FRMD4A: variants seen among roughly 807,000 people sequenced by gnomAD.
FRMD4A encodes FERM domain-containing protein 4A.
In FRMD4A, 29 loss-of-function variants were observed where a neutral mutation model predicts 129.1. The observed-to-expected ratio is 0.22, with a 90% CI of 0.17 to 0.31. The LOEUF is 0.31. Ranked by LOEUF, FRMD4A falls within the 10% of genes least tolerant of loss-of-function variation. FRMD4A has a pLI of 1.00. For missense variants in FRMD4A, 1,272 were observed against 1,375.8 expected, an observed-to-expected ratio of 0.92 and a Z score of 1.19; for synonymous variants, 634 against 571.6, an observed-to-expected ratio of 1.11 and a Z score of -1.56.
chr10:14,274,590 T>C (rs965720150), intron 2 of FRMD4A, among the ~76,000 whole-genome samples: 1 of 152,182 alleles, frequency 6.6e-6, no homozygotes, highest in Non-Finnish European at 1.5e-5. Flanking sequence ...AGATTCTCAC[T>C]GAACCAGGGC....
chr10:13,681,398 C>T (rs2084571010), intron 15 of FRMD4A, among the ~76,000 whole-genome samples: 1 of 152,104 alleles, frequency 6.6e-6, no homozygotes, highest in Non-Finnish European at 1.5e-5. Context: ...GATGGAACCT[C>T]TTTATTCTAG....
At chr10:13,937,861 A>G (rs866841335) in intron 2 of FRMD4A, among the ~76,000 whole-genome samples, 2 of 152,270 alleles carry the variant, frequency 1.3e-5, no homozygotes, top group Non-Finnish European at 2.9e-5. Flanking sequence ...TAATCCTTCA[A>G]TTTCATTCTT....
At chr10:13,742,564 T>A (rs935887366) in intron 9 of FRMD4A, among the ~76,000 whole-genome samples, 4 of 152,246 alleles carry the variant, frequency 2.6e-5, no homozygotes, top group African/African-American at 9.6e-5. Flanking sequence ...TCGCCCAGAC[T>A]GGAGTGCAGT....
At chr10:14,196,345 CT>C (rs1250498202) in intron 2 of FRMD4A, among the ~76,000 whole-genome samples, 2 of 152,218 alleles carry the variant, frequency 1.3e-5, no homozygotes, top group Non-Finnish European at 2.9e-5. Context: ...CTCTGCCAGG[CT>C]GACCTTCACC....
intron 15 of FRMD4A, among the ~76,000 whole-genome samples, chr10:13,688,691 G>A (rs1203440102): frequency 6.6e-6 from 1 of 151,918 alleles, no homozygotes; most frequent in Non-Finnish European, 1.5e-5. Flanking sequence ...GCATTGGTAG[G>A]TATGGATATT....
intron 12 of FRMD4A, among the ~76,000 whole-genome samples, chr10:13,726,789 A>G (rs939475067): frequency 2.6e-5 from 4 of 151,808 alleles, no homozygotes; most frequent in African/African-American, 9.7e-5. Context: ...GTGTGTAGAG[A>G]TGAGGTCTTG....
At chr10:13,885,555 C>A (rs1186735331) in intron 2 of FRMD4A, among the ~76,000 whole-genome samples, 1 of 152,162 alleles carries the variant, frequency 6.6e-6, no homozygotes, top group Non-Finnish European at 1.5e-5. Context: ...ATCTAGATAC[C>A]CCCTTTCATT....
chr10:13,994,005 G>A (rs1443052532), intron 2 of FRMD4A, among the ~76,000 whole-genome samples: 2 of 146,536 alleles, frequency 1.4e-5, no homozygotes, highest in Non-Finnish European at 3.0e-5. Context: ...ATTTAGGGTG[G>A]GACAGTCCTT....
At chr10:14,135,721 C>T (rs1839498351) in intron 2 of FRMD4A, among the ~76,000 whole-genome samples, 1 of 152,162 alleles carries the variant, frequency 6.6e-6, no homozygotes, top group South Asian at 2.1e-4. Flanking sequence ...CCAGATGATA[C>T]TTTCTATGAA....
At chr10:13,720,769 T>C (rs1190037519) in intron 12 of FRMD4A, among the ~76,000 whole-genome samples, 1 of 152,102 alleles carries the variant, frequency 6.6e-6, no homozygotes, top group Non-Finnish European at 1.5e-5. Context: ...TGGGCAGCTA[T>C]GTGAGGGAAA....
At chr10:14,270,704 C>T (rs1845134144) in intron 2 of FRMD4A, among the ~76,000 whole-genome samples, 1 of 152,208 alleles carries the variant, frequency 6.6e-6, no homozygotes, top group African/African-American at 2.4e-5. Flanking sequence ...CTCTTGGAAA[C>T]TGCGACTTTA....
chr10:13,773,188 A>G (rs999067203), intron 6 of FRMD4A, among the ~76,000 whole-genome samples: 25 of 152,194 alleles, frequency 1.6e-4, no homozygotes, highest in African/African-American at 4.6e-4. Flanking sequence ...CTTCGTAACT[A>G]TGCATAACTT....
At chr10:13,924,406 G>C (rs1472844188) in intron 2 of FRMD4A, among the ~76,000 whole-genome samples, 5 of 98,902 alleles carry the variant, frequency 5.1e-5, no homozygotes, top group Admixed American at 2.4e-4. Flanking sequence ...TTTTCTTCTC[G>C]TTCCTTTTTT....
chr10:13,706,600 C>T (rs543047403), intron 13 of FRMD4A, among the ~76,000 whole-genome samples: 6 of 152,308 alleles, frequency 3.9e-5, no homozygotes, highest in African/African-American at 1.4e-4. Context: ...CATTGACCGT[C>T]CTGCCTGAAA....
chr10:13,984,843 C>T (rs1287442838), intron 2 of FRMD4A, among the ~76,000 whole-genome samples: 2 of 152,192 alleles, frequency 1.3e-5, no homozygotes, highest in African/African-American at 2.4e-5. Context: ...GTAAATATCT[C>T]CCCAAGTCCC....
chr10:13,863,893 A>G (rs2094327766), intron 2 of FRMD4A, among the ~76,000 whole-genome samples: 1 of 152,180 alleles, frequency 6.6e-6, no homozygotes, highest in African/African-American at 2.4e-5. Context: ...AAACAGTCAT[A>G]AGACAGCAAC....
At chr10:13,863,011 A>G (rs2094315530) in intron 2 of FRMD4A, among the ~76,000 whole-genome samples, 1 of 151,722 alleles carries the variant, frequency 6.6e-6, no homozygotes, top group East Asian at 1.9e-4. Context: ...ATCACCCTCA[A>G]AGGAAATCCT....
intron 6 of FRMD4A, among the ~76,000 whole-genome samples, chr10:13,778,557 T>G (rs1442638908): frequency 2.0e-5 from 3 of 151,740 alleles, no homozygotes; most frequent in Admixed American, 6.6e-5. Flanking sequence ...TGTGTTGAGG[T>G]AGTTACAGAA....
intron 2 of FRMD4A, among the ~76,000 whole-genome samples, chr10:14,025,213 G>A (rs1165044778): frequency 6.6e-6 from 1 of 151,958 alleles, no homozygotes; most frequent in Admixed American, 6.6e-5. Flanking sequence ...TTAATATCTC[G>A]TGTCAATTCC....
Sources: allele counts gnomAD v4.1 joint callset (sites outside exome capture counted in the v4.1 genomes callset), GRCh38; gene constraint gnomAD v4.1.1; transcripts MANE v1.5; gene names NCBI Gene and HGNC (gene_info 2026-07-23, HGNC 2026-07-21).